FGF13: variants seen among roughly 807,000 people sequenced by gnomAD.
FGF13 encodes the protein fibroblast growth factor homologous factor 2.
FGF13 carries 2 observed loss-of-function variants against 19.5 expected under a neutral mutation model. The ratio of observed to expected loss-of-function variants is 0.10; its 90% CI spans 0.04 to 0.32. FGF13 has a LOEUF of 0.32. Among genes scored for constraint, FGF13 ranks in the 10% least tolerant of loss-of-function variants. The pLI is 1.00. For synonymous variants in FGF13, 72 were observed against 76.9 expected (o/e 0.94, Z 0.33); for missense variants, 113 against 192.7 (o/e 0.59, Z 2.45).
chrX:138,703,356 T>C lies in FGF13; in HGVS notation c.299-269A>G, dbSNP rs1602721541. ...AGGTAACTGGAGCTGTAACTACATA[T>C]TATTTAACAGCCTGGAGAAAATGGA... On this transcript the variant is annotated intron_variant, in intron 2 of 4. Transcript: ENST00000315930. 2.7e-5 allele frequency among the ~76,000 whole-genome samples: 3 copies of C among 112,220 alleles called. 1 individual carries two copies. In the Middle Eastern group the frequency reaches 0.014, roughly 515 times the overall value.
chrX:138,653,442 TA>T (rs1213841092), intron 3 of FGF13, among the ~76,000 whole-genome samples: 3 of 111,545 alleles, frequency 2.7e-5, no homozygotes, highest in African/African-American at 6.5e-5. Flanking sequence ...TTATTAAAAT[TA>T]AAAAGTTAAA....
downstream of FGF13, among the ~76,000 whole-genome samples, chrX:138,855,892 C>T (rs1382727663): frequency 9.1e-6 from 1 of 110,483 alleles, no homozygotes; most frequent in African/African-American, 3.3e-5. Flanking sequence ...TAACCAGCTG[C>T]TTCTTAACTG....
intron 1 of FGF13, among the ~76,000 whole-genome samples, chrX:139,128,312 T>A: frequency 8.9e-6 from 1 of 111,827 alleles, no homozygotes; most frequent in Middle Eastern, 4.6e-3. Flanking sequence ...TATTCTTTCC[T>A]AATCTCTAAA....
At chrX:139,120,823 C>A (rs2083672087) in intron 1 of FGF13, among the ~76,000 whole-genome samples, 1 of 112,831 alleles carries the variant, frequency 8.9e-6, no homozygotes, top group Non-Finnish European at 1.9e-5. Flanking sequence ...TAAGTCCCTG[C>A]CTCCTTAGCC....
intron 1 of FGF13, among the ~76,000 whole-genome samples, chrX:139,050,480 C>G (rs1186925788): frequency 1.8e-5 from 2 of 111,263 alleles, no homozygotes; most frequent in Non-Finnish European, 3.8e-5. Context: ...AGCATTAAGG[C>G]CTACAGAGAT....
At chrX:139,010,209 A>T (rs941904213) in intron 1 of FGF13, among the ~76,000 whole-genome samples, 15 of 111,740 alleles carry the variant, frequency 1.3e-4, no homozygotes, top group African/African-American at 4.6e-4. Context: ...ATAGTGGGTG[A>T]CTTCAGTAAT....
chrX:139,107,909 T>G (rs2124462509), intron 1 of FGF13, among the ~76,000 whole-genome samples: 1 of 110,441 alleles, frequency 9.1e-6, no homozygotes, highest in East Asian at 2.9e-4. Context: ...AAATGTGGAT[T>G]CAAGTCTTGG....
intron 1 of FGF13, among the ~76,000 whole-genome samples, chrX:139,099,887 G>A (rs1471498624): frequency 2.7e-5 from 3 of 110,899 alleles, no homozygotes; most frequent in South Asian, 3.8e-4. Flanking sequence ...TAAAAATGGC[G>A]ATTTATTTTT....
At chrX:138,824,266 T>C (rs944532833) in intron 3 of FGF13, among the ~76,000 whole-genome samples, 6 of 112,206 alleles carry the variant, frequency 5.3e-5, no homozygotes, top group African/African-American at 1.9e-4. Context: ...GACTTTCATC[T>C]GCAAAGTCAA....
At chrX:138,875,973 T>G (rs2091386685) in intron 1 of FGF13, among the ~76,000 whole-genome samples, 1 of 108,599 alleles carries the variant, frequency 9.2e-6, no homozygotes, top group Non-Finnish European at 1.9e-5. Context: ...GTCTGATTTA[T>G]TATTATCTCC....
chrX:139,141,551 T>C (rs1355934204), intron 1 of FGF13, among the ~76,000 whole-genome samples: 5 of 111,709 alleles, frequency 4.5e-5, no homozygotes, highest in East Asian at 5.7e-4. Context: ...TTCTCTATCA[T>C]GGTATTGTTT....
chrX:138,849,191 C>T (rs1344887795), intron 3 of FGF13, among the ~76,000 whole-genome samples: 1 of 111,397 alleles, frequency 9.0e-6, no homozygotes, highest in Non-Finnish European at 1.9e-5. Context: ...GTAAAAGGGT[C>T]CAGTAGCTAG....
Position 138,708,915 on chromosome X carries a change from C to G in FGF13, c.201G>C (p.Lys67Asn). The G allele has an allele frequency of 3.4e-6, 4 of 1,181,988 alleles. No homozygotes were observed. Among genetic ancestry groups the G allele is most frequent in the Non-Finnish European group, 4.6e-6 (4 of 870,934 alleles). ...RRRRRPEPQLKGIVTKLYSRQ... is the reference protein window; with the variant it reads ...RRRRRPEPQLNGIVTKLYSRQ... ...GGCTGTATAGCTTGGTAACTATACCCTTAAGCTGAGGCTCTGCAAAGAGAA... is the reference window on the plus strand; with the variant it reads ...GGCTGTATAGCTTGGTAACTATACCGTTAAGCTGAGGCTCTGCAAAGAGAA... Residue 67 changes from lysine to asparagine, a missense_variant, in exon 2 of 5, where the codon AAG (lysine) becomes AAC (asparagine). By Grantham distance (94) the Lys-to-Asn change is moderately conservative. This residue lies in a region of FGF13 where 51 missense variants were observed against 78.5 expected (regional missense o/e 0.65). Transcript: ENST00000315930.
chrX:138,641,557 G>T (rs2089251917), intron 3 of FGF13, among the ~76,000 whole-genome samples: 1 of 112,182 alleles, frequency 8.9e-6, no homozygotes, highest in Non-Finnish European at 1.9e-5. Context: ...TTTCAACTCT[G>T]TTAAAAAACT....
At chrX:138,969,685 C>G (rs2091907844) in intron 1 of FGF13, among the ~76,000 whole-genome samples, 1 of 111,349 alleles carries the variant, frequency 9.0e-6, no homozygotes, top group African/African-American at 3.3e-5. Flanking sequence ...ATTAGCACAC[C>G]ACTACAGCAA....
At chrX:138,785,486 T>C (rs772925300) in intron 3 of FGF13, among the ~76,000 whole-genome samples, 2 of 111,545 alleles carry the variant, frequency 1.8e-5, no homozygotes, top group East Asian at 2.8e-4. Flanking sequence ...CACCACTATA[T>C]AGACATCACT....
rs2089068454 is a variant in FGF13, at chrX:138,626,943, G to A, written c.*5907C>T. On this transcript the variant is annotated 3_prime_UTR_variant, in exon 5 of 5. Transcript: ENST00000315930. ...TGGAGAACTAATTCATTCTGGTTTT[G>A]AAATTTTCGAGGAAGAAAATAACAC... 8.9e-6 allele frequency: 1 copy of A among 111,998 alleles called. No individual in the cohort carries two copies. The highest frequency in any genetic ancestry group is 3.2e-5 in the African/African-American group (1 of 30,797). 9.2% of individuals were successfully genotyped at this position (111,998 alleles called of 1,213,427 possible). A position where few individuals can be genotyped will look rare whatever the true frequency, so the allele number is the denominator to read the frequency against.
chrX:138,984,530 G>GAAGAAC (rs1569436057), intron 1 of FGF13, among the ~76,000 whole-genome samples: 3 of 23,031 alleles, frequency 1.3e-4, no homozygotes, highest in African/African-American at 4.7e-4. Flanking sequence ...AGAGGAAGAA[G>GAAGAAC]AAGAAGAAGA....
chrX:139,039,304 G>A (rs1413568866), intron 1 of FGF13, among the ~76,000 whole-genome samples: 1 of 111,952 alleles, frequency 8.9e-6, no homozygotes, highest in Non-Finnish European at 1.9e-5. Context: ...ATTAAGTTTA[G>A]ATTTAAGTTC....
Sources: allele counts gnomAD v4.1 joint callset (sites outside exome capture counted in the v4.1 genomes callset), GRCh38; gene constraint gnomAD v4.1.1; regional missense constraint gnomAD v4.1.1; transcripts MANE v1.5; gene names NCBI Gene and HGNC (gene_info 2026-07-23, HGNC 2026-07-21).